ABCC4: variants seen among roughly 807,000 people sequenced by gnomAD.
ABCC4 encodes the protein ATP-binding cassette sub-family C member 4.
In ABCC4, 102 loss-of-function variants were observed where a neutral mutation model predicts 168.5. That is an observed-to-expected ratio of 0.61 (90% CI 0.52 to 0.71). ABCC4 has a LOEUF of 0.71. Among genes scored for constraint, ABCC4 ranks in the 30% least tolerant of loss-of-function variants. ABCC4 has a pLI of 0.00. For missense variants in ABCC4, 1,402 were observed against 1,605.8 expected (o/e 0.87, Z 2.17); for synonymous variants, 617 against 590.7 (o/e 1.04, Z -0.65).
At chr13:95,296,185 A>AC (rs2041531845) in intron 1 of ABCC4, among the ~76,000 whole-genome samples, 242 of 11,920 alleles carry the variant, frequency 0.02, 6 homozygotes, top group East Asian at 0.1. Context: ...CACACACACA[A>AC]AAACACAAAA....
intron 13 of ABCC4, among the ~76,000 whole-genome samples, chr13:95,171,087 G>C (rs1594228140): frequency 9.2e-6 from 1 of 108,578 alleles, no homozygotes; most frequent in African/African-American, 3.7e-5. Flanking sequence ...TTAGATTCTT[G>C]GTAACCTTTG....
At chr13:95,099,686 A>G (rs115961400) in intron 20 of ABCC4, among the ~76,000 whole-genome samples, 25 of 152,282 alleles carry the variant, frequency 1.6e-4, no homozygotes, top group African/African-American at 6.0e-4. Context: ...CCCTAGAACA[A>G]AAATGGCTCC....
intron 8 of ABCC4, among the ~76,000 whole-genome samples, chr13:95,195,487 T>C (rs1241707146): frequency 1.3e-5 from 2 of 152,238 alleles, no homozygotes; most frequent in Non-Finnish European, 2.9e-5. Flanking sequence ...TAGATTCAAC[T>C]GGCCTTCTCC....
chr13:95,089,430 C>T (rs895214699), intron 20 of ABCC4, among the ~76,000 whole-genome samples: 1 of 152,060 alleles, frequency 6.6e-6, no homozygotes, highest in Non-Finnish European at 1.5e-5. Flanking sequence ...CCAGCCTGGC[C>T]AACATGGTGA....
Position 95,186,837 on chromosome 13 carries a change from C to G in ABCC4, c.1409G>C (p.Ser470Thr), listed in dbSNP as rs755928739. Reference sequence around the variant, plus strand: ...CACATAGGCAATTCTTCCATGCACGCTGACCAGCCCGTGACTTGGGGCCAA... The same window carrying G: ...CACATAGGCAATTCTTCCATGCACGGTGACCAGCCCGTGACTTGGGGCCAA... ...GELAPSHGLV[S>T]VHGRIAYVSQ... The change falls in exon 11 of 31, where the codon AGC becomes ACC. Residue 470 changes from serine to threonine, a missense_variant. Physicochemically the swap from Ser to Thr is moderately conservative, Grantham distance 58. Coordinates refer to ENST00000645237, the MANE Select transcript of ABCC4 (RefSeq NM_005845.5). 1.2e-6 allele frequency: 2 copies of G among 1,614,138 alleles called. No homozygotes were observed. Among genetic ancestry groups the G allele is most frequent in the Non-Finnish European group, 1.7e-6 (2 of 1,180,002 alleles).
In ABCC4 at chr13:95,105,905, C is replaced by A. The variant is rs558419156; in HGVS notation, c.2535+10017G>T. Among the ~76,000 whole-genome samples, 13 of 152,290 alleles carry A rather than the reference C, an allele frequency of 8.5e-5. No individual in the cohort carries two copies. The South Asian group carries it at 2.1e-3, about 24-fold the overall frequency. Reference sequence around the variant, plus strand: ...AGCAGGGAGAACTCTGAAAACGACCCTTTTCAGGAAGCAACCAGGCACAAC... The same window carrying A: ...AGCAGGGAGAACTCTGAAAACGACCATTTTCAGGAAGCAACCAGGCACAAC... On this transcript the variant is annotated intron_variant, in intron 20 of 30. Transcript: ENST00000645237.
At chr13:95,138,185 A>G (rs1236171749) in intron 19 of ABCC4, among the ~76,000 whole-genome samples, 2 of 152,220 alleles carry the variant, frequency 1.3e-5, no homozygotes, top group Non-Finnish European at 2.9e-5. Flanking sequence ...CACTTTTTAA[A>G]TGACCAGTGG....
chr13:95,069,832 G>A (rs1189451), intron 25 of ABCC4, among the ~76,000 whole-genome samples: 112,639 of 152,172 alleles, frequency 0.74, 42,674 homozygotes, highest in South Asian at 0.9. Context: ...TCCATTATGC[G>A]TGCGTATCAC....
chr13:95,032,304 A>G (rs2031910664), intron 30 of ABCC4, among the ~76,000 whole-genome samples: 1 of 152,222 alleles, frequency 6.6e-6, no homozygotes, highest in African/African-American at 2.4e-5. Flanking sequence ...AAACAGGCAT[A>G]ATGAGAAGTG....
At chr13:95,208,623 T>A (rs1318284003) in intron 6 of ABCC4, among the ~76,000 whole-genome samples, 1 of 129,258 alleles carries the variant, frequency 7.7e-6, no homozygotes, top group Admixed American at 7.9e-5. Context: ...TTTTTTTTTT[T>A]TTTTTTTTTT....
At chr13:95,034,563 G>T (rs201779602) in intron 30 of ABCC4, 42 bp downstream of exon 30, 4 of 1,599,128 alleles carry the variant, frequency 2.5e-6, no homozygotes, top group Middle Eastern at 1.7e-4. Flanking sequence ...GGAGGGAGCC[G>T]CTGAGACAAA....
At chr13:95,210,503 A>G (rs1291327633) in intron 5 of ABCC4, among the ~76,000 whole-genome samples, 189 bp downstream of exon 5, 1 of 152,196 alleles carries the variant, frequency 6.6e-6, no homozygotes, top group Non-Finnish European at 1.5e-5. Flanking sequence ...ACCTGTAGTC[A>G]CAGCTAATCA....
chr13:95,034,408 C>T (rs189567407), intron 30 of ABCC4, among the ~76,000 whole-genome samples, 197 bp downstream of exon 30: 72 of 152,372 alleles, frequency 4.7e-4, no homozygotes, highest in Admixed American at 4.2e-3. Context: ...CCCCCAACCC[C>T]TACCCGCTTC....
chr13:95,100,220 T>G (rs546334577), intron 20 of ABCC4, among the ~76,000 whole-genome samples: 1 of 152,224 alleles, frequency 6.6e-6, no homozygotes, highest in Non-Finnish European at 1.5e-5. Context: ...TGGAAAGTTC[T>G]ATGCTCTGCT....
intron 1 of ABCC4, among the ~76,000 whole-genome samples, chr13:95,274,535 T>C (rs1566590967): frequency 6.6e-6 from 1 of 152,180 alleles, no homozygotes; most frequent in Non-Finnish European, 1.5e-5. Context: ...TAGCCAATTC[T>C]AAACTGTTCA....
intron 20 of ABCC4, among the ~76,000 whole-genome samples, chr13:95,111,665 T>G (rs138185546): frequency 6.6e-6 from 1 of 152,204 alleles, no homozygotes; most frequent in Admixed American, 6.5e-5. Flanking sequence ...CTGCAATGAG[T>G]GCCAACATCT....
intron 6 of ABCC4, 104 bp downstream of exon 6, chr13:95,209,330 A>G (rs1330972988): frequency 8.2e-5 from 107 of 1,312,490 alleles, no homozygotes; most frequent in Middle Eastern, 2.1e-4. Flanking sequence ...TATGCAAGGA[A>G]GAGATAATAA....
chr13:95,133,768 GC>G (rs984610685), intron 19 of ABCC4, among the ~76,000 whole-genome samples: 58 of 152,316 alleles, frequency 3.8e-4, no homozygotes, highest in Middle Eastern at 3.4e-3. Context: ...AGAGAAGGGT[GC>G]TGAAGGGACA....
At chr13:95,075,148 C>T in intron 22 of ABCC4, 3 of 378,802 alleles carry the variant, frequency 7.9e-6, no homozygotes, top group Non-Finnish European at 9.6e-6. Context: ...TACTAGGTGG[C>T]CTTTTGCAGA....
Sources: gnomAD v4.1 joint callset for allele counts (sites outside exome capture counted in the v4.1 genomes callset) on GRCh38, gnomAD v4.1.1 for gene constraint, MANE v1.5 for transcripts, NCBI Gene and HGNC (gene_info 2026-07-23, HGNC 2026-07-21) for gene names.